The following OR51B5 variants were observed in gnomAD, a reference collection of about 807,000 sequenced individuals.
OR51B5 encodes olfactory receptor family 51 subfamily B member 5.
For synonymous variants in OR51B5, 186 were observed against 144.8 expected, an observed-to-expected ratio of 1.28 and a Z score of -2.04; for missense variants, 456 against 374.6, an observed-to-expected ratio of 1.22 and a Z score of -1.79.
At chr11:5,355,798 G>T (rs1849185133) in intron 1 of OR51B5, among the ~76,000 whole-genome samples, 1 of 151,810 alleles carries the variant, frequency 6.6e-6, no homozygotes. Flanking sequence ...AGGGGTATAG[G>T]GTAGCAAAAT....
At chr11:5,352,468 G>C (rs534543112) in intron 1 of OR51B5, 1 of 1,477,840 alleles carries the variant, frequency 6.8e-7, no homozygotes, top group South Asian at 1.2e-5. Flanking sequence ...TGGTCTCTGA[G>C]GAATAATTCA....
At chr11:5,418,752 T>G (rs1850280398) in intron 1 of OR51B5, among the ~76,000 whole-genome samples, 1 of 151,602 alleles carries the variant, frequency 6.6e-6, no homozygotes, top group Non-Finnish European at 1.5e-5. Context: ...AGGGGAGGGA[T>G]AGCATTAGGA....
chr11:5,371,736 C>A lies in OR51B5; in HGVS notation n.85-24826G>T, dbSNP rs551541637. Among the ~76,000 whole-genome samples, 4 of 152,242 alleles carry A rather than the reference C, an allele frequency of 2.6e-5. No homozygotes were observed. The South Asian group carries it at 8.3e-4, about 32-fold the overall frequency. On this transcript the variant is annotated intron_variant and non_coding_transcript_variant, in intron 1 of 4. Coordinates refer to the OR51B5 transcript ENST00000415970. ...AACCTATCCATCAATACAACACCTTCCATAGATACCTTTTGCTTTTTCTTT... is the reference window on the plus strand; with the variant it reads ...AACCTATCCATCAATACAACACCTTACATAGATACCTTTTGCTTTTTCTTT...
intron 1 of OR51B5, chr11:5,383,904 G>A (rs1849646075): frequency 6.6e-6 from 1 of 152,148 alleles, no homozygotes; most frequent in Non-Finnish European, 1.5e-5. Flanking sequence ...TCACATTTTT[G>A]TTATTACCTG....
intron 1 of OR51B5, among the ~76,000 whole-genome samples, chr11:5,385,774 CAT>C (rs201051432): frequency 0.025 from 3,770 of 148,342 alleles, 166 homozygotes; most frequent in African/African-American, 0.088. Context: ...TATACAGACA[CAT>C]ATATGTATAC....
intron 1 of OR51B5, among the ~76,000 whole-genome samples, chr11:5,483,161 G>A (rs1057303878): frequency 1.7e-4 from 26 of 150,002 alleles, no homozygotes; most frequent in African/African-American, 5.9e-4. Flanking sequence ...TATACACCAT[G>A]GAATACTATG....
rs1445290206 is a variant in OR51B5 at position 5,471,634 on chromosome 11, T to C, written n.84+33935A>G. On this transcript the variant is annotated intron_variant and non_coding_transcript_variant, in intron 1 of 4. Transcript: ENST00000415970. ...CTGGGTGACAGAGCAAGACTCTGTC[T>C]CAAAAAAAAAAAAAAAATTGATCAA... Among the ~76,000 whole-genome samples the C allele has an allele frequency of 1.6e-3, 115 of 71,122 alleles. 1 individual carries two copies. The highest frequency in any genetic ancestry group is 2.8e-3 in the Admixed American group (19 of 6,750). 46.7% of individuals were successfully genotyped at this position (71,122 alleles called of 152,430 possible).
intron 1 of OR51B5, among the ~76,000 whole-genome samples, chr11:5,349,254 G>A (rs1849038270): frequency 6.6e-6 from 1 of 151,726 alleles, no homozygotes; most frequent in Non-Finnish European, 1.5e-5. Flanking sequence ...AAACAGACAA[G>A]ACAAACAGCT....
chr11:5,415,529 C>T (rs1850228673), intron 1 of OR51B5, among the ~76,000 whole-genome samples: 1 of 151,638 alleles, frequency 6.6e-6, no homozygotes, highest in Non-Finnish European at 1.5e-5. Context: ...AGACAGCTAG[C>T]AAGACTAATA....
chr11:5,453,644 G>A (rs1850893033), intron 1 of OR51B5: 1 of 1,613,588 alleles, frequency 6.2e-7, no homozygotes, highest in African/African-American at 1.3e-5. Context: ...TGCGAGTGGA[G>A]CCCAGCCTCC....
At chr11:5,343,596 A>G (rs12801270), upstream of OR51B5, 2 of 607,734 alleles carry the variant, frequency 3.3e-6, no homozygotes, top group Middle Eastern at 3.9e-4. Flanking sequence ...CCTTCAAGGT[A>G]TCACTTCGAC....
chr11:5,414,190 T>A (rs908474767), intron 1 of OR51B5, among the ~76,000 whole-genome samples: 2 of 151,666 alleles, frequency 1.3e-5, no homozygotes, highest in African/African-American at 4.8e-5. Context: ...CTAAGCTTCA[T>A]AAGTGAAGGA....
intron 1 of OR51B5, among the ~76,000 whole-genome samples, chr11:5,389,085 G>A (rs570688806): frequency 3.3e-5 from 5 of 152,262 alleles, no homozygotes; most frequent in Admixed American, 2.6e-4. Flanking sequence ...ATGACATTAA[G>A]AAGAAATAAT....
chr11:5,386,691 G>T (rs1419093577), intron 1 of OR51B5, among the ~76,000 whole-genome samples: 4 of 152,066 alleles, frequency 2.6e-5, no homozygotes, highest in Non-Finnish European at 5.9e-5. Context: ...GGCTTTGCAT[G>T]TTGAATGACA....
At chr11:5,395,308 A>G (rs1472070644) in intron 1 of OR51B5, among the ~76,000 whole-genome samples, 1 of 152,238 alleles carries the variant, frequency 6.6e-6, no homozygotes, top group Non-Finnish European at 1.5e-5. Flanking sequence ...GAAGGGCTGC[A>G]TGAGAAAGAA....
chr11:5,370,251 A>T (rs936998579), intron 1 of OR51B5, among the ~76,000 whole-genome samples: 1 of 152,218 alleles, frequency 6.6e-6, no homozygotes, highest in Non-Finnish European at 1.5e-5. Context: ...TGAAGGTTTG[A>T]ATGTTTAATG....
intron 1 of OR51B5, among the ~76,000 whole-genome samples, chr11:5,448,276 T>C (rs867333495): frequency 6.6e-6 from 1 of 152,232 alleles, no homozygotes; most frequent in Non-Finnish European, 1.5e-5. Flanking sequence ...GACTGATCCA[T>C]GTGAAGCCAA....
chr11:5,479,021 A>G (rs919779601), intron 1 of OR51B5, among the ~76,000 whole-genome samples: 4 of 152,108 alleles, frequency 2.6e-5, no homozygotes, highest in Non-Finnish European at 2.9e-5. Flanking sequence ...CACCATAAAG[A>G]TACTCCTCGA....
intron 1 of OR51B5, among the ~76,000 whole-genome samples, chr11:5,380,124 T>A (rs1849588173): frequency 1.3e-5 from 2 of 150,870 alleles, no homozygotes; most frequent in South Asian, 4.2e-4. Context: ...CTCTGAAAAG[T>A]TTTCACAATG....
Sources: allele counts gnomAD v4.1 joint callset (sites outside exome capture counted in the v4.1 genomes callset), GRCh38; gene constraint gnomAD v4.1.1; transcripts MANE v1.5; gene names NCBI Gene and HGNC (gene_info 2026-07-23, HGNC 2026-07-21).